CLHC1: variants seen among roughly 807,000 people sequenced by gnomAD.
CLHC1 encodes clathrin heavy chain linker domain-containing protein 1.
In CLHC1, 72 loss-of-function variants were observed where a neutral mutation model predicts 69.5. The observed-to-expected ratio is 1.04, with a 90% CI of 0.86 to 1.26. CLHC1 has a LOEUF of 1.26. Among genes scored for constraint, CLHC1 ranks in the 50% most tolerant of loss-of-function variants. CLHC1 has a pLI of 0.00. For missense variants in CLHC1, 790 were observed against 679.3 expected (o/e 1.16, Z -1.81); for synonymous variants, 223 against 224.3 (o/e 0.99, Z 0.05).
intron 12 of CLHC1, among the ~76,000 whole-genome samples, chr2:55,176,558 T>C (rs188237771): frequency 1.3e-5 from 2 of 152,308 alleles, no homozygotes; most frequent in Admixed American, 1.3e-4. Flanking sequence ...ATTTTGTTTG[T>C]TAAAGAAATT....
chr2:55,174,691 T>C lies in CLHC1; in HGVS notation c.*1099A>G, dbSNP rs950377867. ...CTTTCCACTATAACATAAAAATACA[T>C]ATTCAATTTAAATTTAGGATGGGAA... On this transcript the variant is annotated 3_prime_UTR_variant, in exon 13 of 13. Coordinates refer to ENST00000401408, the MANE Select transcript of CLHC1 (RefSeq NM_152385.4). 1 of 152,214 alleles carries C rather than the reference T, an allele frequency of 6.6e-6. No homozygotes were observed. Among genetic ancestry groups the C allele is most frequent in the Admixed American group, 6.5e-5 (1 of 15,282 alleles). The allele number at this position is 152,214 out of a possible 1,614,324, so 9.4% of individuals were successfully genotyped here. A position where few individuals can be genotyped will look rare whatever the true frequency, so the allele number is the denominator to read the frequency against.
At chr2:55,224,347 C>G (rs1674483495) in intron 2 of CLHC1, 1 of 453,112 alleles carries the variant, frequency 2.2e-6, no homozygotes, top group Non-Finnish European at 4.5e-6. Flanking sequence ...CTTGACAGCT[C>G]CCTCCTGCTA....
intron 9 of CLHC1, among the ~76,000 whole-genome samples, chr2:55,192,864 G>T (rs1361259529): frequency 2.0e-5 from 3 of 147,180 alleles, no homozygotes; most frequent in Non-Finnish European, 4.5e-5. Context: ...ACTCTTAGAA[G>T]AAAACAGGAG....
At chr2:55,223,450 G>A (rs1276837910) in intron 2 of CLHC1, among the ~76,000 whole-genome samples, 2 of 152,198 alleles carry the variant, frequency 1.3e-5, no homozygotes, top group East Asian at 3.9e-4. Context: ...GCGCGCTGTG[G>A]GCCGGCCCCG....
chr2:55,183,463 T>C lies in CLHC1; in HGVS notation c.1007-1719A>G, dbSNP rs1670111167. Among the ~76,000 whole-genome samples the C allele has an allele frequency of 4.6e-5, 7 of 152,340 alleles. No individual in the cohort carries two copies. The South Asian group carries it at 1.0e-3, about 23-fold the overall frequency. On this transcript the variant is annotated intron_variant, in intron 9 of 12. Coordinates refer to ENST00000401408, the MANE Select transcript of CLHC1 (RefSeq NM_152385.4). ...TTTAGACTCTATCAAGTCTAACTGA[T>C]CTATGATCCAGTTTCATAGATCAAA...
chr2:55,229,686 T>C (rs897496299), intron 1 of CLHC1, among the ~76,000 whole-genome samples: 2 of 152,346 alleles, frequency 1.3e-5, no homozygotes, highest in Middle Eastern at 3.4e-3. Flanking sequence ...AGCAACAGCC[T>C]CACTTGTAAG....
At chr2:55,207,871 T>C (rs965460854) in intron 8 of CLHC1, among the ~76,000 whole-genome samples, 6 of 152,236 alleles carry the variant, frequency 3.9e-5, no homozygotes, top group Non-Finnish European at 8.8e-5. Context: ...ATTTTGTTAA[T>C]GTTATTGTCT....
At chr2:55,183,171 A>G (rs989553719) in intron 9 of CLHC1, among the ~76,000 whole-genome samples, 1 of 152,222 alleles carries the variant, frequency 6.6e-6, no homozygotes, top group Non-Finnish European at 1.5e-5. Context: ...AATAGGTTCT[A>G]GAGCCAAATC....
chr2:55,196,360 G>A (rs756953913), intron 9 of CLHC1, among the ~76,000 whole-genome samples: 1 of 152,060 alleles, frequency 6.6e-6, no homozygotes, highest in Non-Finnish European at 1.5e-5. Context: ...AGATGATGTG[G>A]CCGAAGGAGT....
At chr2:55,227,172 G>C (rs919924905) in intron 2 of CLHC1, among the ~76,000 whole-genome samples, 1 of 152,190 alleles carries the variant, frequency 6.6e-6, no homozygotes, top group Non-Finnish European at 1.5e-5. Flanking sequence ...ATATAAAGTA[G>C]TTCCAGCAAG....
intron 9 of CLHC1, among the ~76,000 whole-genome samples, chr2:55,202,478 C>G (rs1221260390): frequency 6.6e-6 from 1 of 151,412 alleles, no homozygotes; most frequent in Non-Finnish European, 1.5e-5. Flanking sequence ...ATTGCTTGAA[C>G]CCAGGAGGCG....
chr2:55,183,353 A>G (rs1427395968), intron 9 of CLHC1, among the ~76,000 whole-genome samples: 2 of 152,226 alleles, frequency 1.3e-5, no homozygotes, highest in African/African-American at 4.8e-5. Flanking sequence ...AGAAATAGGA[A>G]CGCCAACACA....
chr2:55,204,302 G>T (rs1030636016), intron 9 of CLHC1, among the ~76,000 whole-genome samples: 4 of 152,076 alleles, frequency 2.6e-5, no homozygotes. Flanking sequence ...AAAGGCAAAA[G>T]ATTTGAATAG....
chr2:55,177,011 C>G (rs553384264), intron 12 of CLHC1, among the ~76,000 whole-genome samples: 1 of 152,228 alleles, frequency 6.6e-6, no homozygotes, highest in Middle Eastern at 3.4e-3. Context: ...GTAGCTGGGA[C>G]TACAGGTGCA....
intron 9 of CLHC1, 71 bp from the exon 10 acceptor site, chr2:55,181,815 C>G: frequency 8.5e-7 from 1 of 1,170,448 alleles, no homozygotes; most frequent in Non-Finnish European, 1.2e-6. Flanking sequence ...TCTCATATTA[C>G]TATTTTTGTG....
chr2:55,230,783 A>G (rs1364696782), intron 1 of CLHC1, among the ~76,000 whole-genome samples: 1 of 152,222 alleles, frequency 6.6e-6, no homozygotes, highest in Non-Finnish European at 1.5e-5. Flanking sequence ...CATTGAATTT[A>G]GCAACATGGA....
intron 11 of CLHC1, among the ~76,000 whole-genome samples, chr2:55,179,239 T>C (rs1405841329): frequency 6.6e-6 from 1 of 152,160 alleles, no homozygotes; most frequent in Non-Finnish European, 1.5e-5. Flanking sequence ...TATGCCAGAT[T>C]CTGTCCTGTC....
At chr2:55,176,043 A>T (rs1669363097) in intron 12 of CLHC1, 57 bp from the exon 13 acceptor site, 2 of 1,387,828 alleles carry the variant, frequency 1.4e-6, no homozygotes, top group African/African-American at 1.4e-5. Flanking sequence ...TCTATACTTT[A>T]GTGATTCTTC....
chr2:55,230,704 G>A (rs1262499928), intron 1 of CLHC1, among the ~76,000 whole-genome samples: 1 of 152,102 alleles, frequency 6.6e-6, no homozygotes, highest in Non-Finnish European at 1.5e-5. Context: ...TCTTTGAAAG[G>A]TTTTCAAAGA....
Sources: allele counts gnomAD v4.1 joint callset (sites outside exome capture counted in the v4.1 genomes callset), GRCh38; gene constraint gnomAD v4.1.1; transcripts MANE v1.5; gene names NCBI Gene and HGNC (gene_info 2026-07-23, HGNC 2026-07-21).